E2F3: variants seen among roughly 807,000 people sequenced by gnomAD.
The protein encoded by E2F3 is E2F transcription factor 3, also known as transcription factor E2F3.
In E2F3, 11 loss-of-function variants were observed where a neutral mutation model predicts 44.4. The observed-to-expected ratio is 0.25, with a 90% CI of 0.16 to 0.41. E2F3 has a LOEUF of 0.41. Among genes scored for constraint, E2F3 ranks in the 10% least tolerant of loss-of-function variants. The pLI, the probability that E2F3 is intolerant of heterozygous loss-of-function variation, is 1.00. For missense variants in E2F3, 487 were observed against 583.6 expected (o/e 0.83, Z 1.70); for synonymous variants, 249 against 253.0 (o/e 0.98, Z 0.15).
intron 1 of E2F3, among the ~76,000 whole-genome samples, chr6:20,446,897 A>G (rs1760964027): frequency 6.6e-6 from 1 of 152,180 alleles, no homozygotes; most frequent in African/African-American, 2.4e-5. Context: ...GGATGGTTCA[A>G]CATTTAAAGA....
intron 1 of E2F3, among the ~76,000 whole-genome samples, chr6:20,409,363 A>T (rs907033803): frequency 2.6e-4 from 39 of 152,256 alleles, no homozygotes; most frequent in African/African-American, 9.2e-4. Flanking sequence ...CGTGATAGTA[A>T]TATTTTTAAA....
rs1402283403 is a variant in E2F3, at chr6:20,402,771, A to C, written c.393+146A>C. 10 of 1,242,880 alleles carry C rather than the reference A, an allele frequency of 8.0e-6. No individual in the cohort carries two copies. The highest frequency in any genetic ancestry group is 1.0e-5 in the Non-Finnish European group (10 of 993,714). 77.0% of individuals were successfully genotyped at this position (1,242,880 alleles called of 1,614,324 possible). ...GGGGCTGCCCCTCCAACGAGGGTTC[A>C]TTGTTAGACCTGAGTGCTCTTCCCG... On this transcript the variant is annotated intron_variant, in intron 1 of 6. Coordinates refer to ENST00000346618, the MANE Select transcript of E2F3 (RefSeq NM_001949.5). This position sits in a 1 kb window ranked among gnomAD's most constrained non-coding sequence, Gnocchi z 5.6.
intron 4 of E2F3, among the ~76,000 whole-genome samples, chr6:20,486,474 G>A (rs374162512): frequency 3.9e-5 from 6 of 152,198 alleles, no homozygotes; most frequent in South Asian, 2.1e-4. Flanking sequence ...GGGTTTCACC[G>A]TGTTAGCCAG....
chr6:20,438,200 C>T (rs951085726), intron 1 of E2F3, among the ~76,000 whole-genome samples: 8 of 152,082 alleles, frequency 5.3e-5, no homozygotes, highest in African/African-American at 1.7e-4. Flanking sequence ...CTTACACAGT[C>T]GTGAGGATTC....
intron 1 of E2F3, among the ~76,000 whole-genome samples, chr6:20,416,400 CAGAACAGACAA>C (rs1759846670): frequency 6.6e-6 from 1 of 152,168 alleles, no homozygotes; most frequent in Non-Finnish European, 1.5e-5. Context: ...ACAGCAGTGT[CAGAACAGACAA>C]AATTCCCTGC....
At chr6:20,484,818 T>C (rs945333215) in intron 4 of E2F3, among the ~76,000 whole-genome samples, 1 of 152,156 alleles carries the variant, frequency 6.6e-6, no homozygotes, top group African/African-American at 2.4e-5. Context: ...CCAGGCACGG[T>C]GGCTCATGCC....
Position 20,402,092 on chromosome 6 carries a change from GAA to G in E2F3, c.-138_-137del, listed in dbSNP as rs1207499112. ...CCTGTGCGGTGCGGAAAAATAAAAA[GAA>G]AAGAGAGAGAGGGGGCTCGGAAGCG... On this transcript the variant is annotated 5_prime_UTR_variant, in exon 1 of 7. Coordinates refer to ENST00000346618, the MANE Select transcript of E2F3 (RefSeq NM_001949.5). This position sits in a 1 kb window ranked among gnomAD's most constrained non-coding sequence, Gnocchi z 5.6. 1.5e-6 allele frequency: 2 copies of G among 1,374,226 alleles called. No homozygotes were observed. Among genetic ancestry groups the G allele is most frequent in the Non-Finnish European group, 9.4e-7 (1 of 1,059,298 alleles). The allele number at this position is 1,374,226 out of a possible 1,614,324, so 85.1% of individuals were successfully genotyped here. A position where few individuals can be genotyped will look rare whatever the true frequency, so the allele number is the denominator to read the frequency against.
intron 1 of E2F3, among the ~76,000 whole-genome samples, chr6:20,475,270 C>T (rs762930561): frequency 1.3e-5 from 2 of 152,214 alleles, no homozygotes; most frequent in Non-Finnish European, 2.9e-5. Context: ...AGACTAGTCC[C>T]GGTCTTTCGA....
At chr6:20,461,205 A>C (rs1761496263) in intron 1 of E2F3, among the ~76,000 whole-genome samples, 1 of 151,932 alleles carries the variant, frequency 6.6e-6, no homozygotes, top group South Asian at 2.1e-4. Context: ...TTAACAATAC[A>C]TTTGAAGGTC....
intron 1 of E2F3, among the ~76,000 whole-genome samples, chr6:20,446,300 C>T (rs571497256): frequency 5.8e-4 from 88 of 152,218 alleles, no homozygotes; most frequent in African/African-American, 2.0e-3. Flanking sequence ...CCAGGAAAGA[C>T]GAAATGATAT....
intron 1 of E2F3, among the ~76,000 whole-genome samples, chr6:20,459,015 G>A (rs907629682): frequency 2.6e-5 from 4 of 151,934 alleles, no homozygotes; most frequent in African/African-American, 9.7e-5. Context: ...TGTAATCCCA[G>A]CACTTTAGGA....
At chr6:20,424,210 G>GGTGTGT (rs57286350) in intron 1 of E2F3, among the ~76,000 whole-genome samples, 18,188 of 136,602 alleles carry the variant, frequency 0.13, 1,462 homozygotes, top group South Asian at 0.22. Context: ...TCAGTGGAAG[G>GGTGTGT]GTGTGTGTGT....
In E2F3 at chr6:20,479,826, A is replaced by C. The variant is rs906688013; in HGVS notation, c.394-20A>C. On this transcript the variant is annotated intron_variant, in intron 1 of 6. Coordinates refer to ENST00000346618, the MANE Select transcript of E2F3 (RefSeq NM_001949.5). ...TTGTCCATATGACCGGTGACGAGAG[A>C]TCGCACTTTCTTATTACAGGCAAAG... The C allele has an allele frequency of 6.3e-7, 1 of 1,598,084 alleles. No individual in the cohort carries two copies. The highest frequency in any genetic ancestry group is 1.1e-5 in the South Asian group (1 of 88,770).
rs549615225 is a variant in E2F3, at chr6:20,493,028, TCAAA to T, written c.*2601_*2604del. On this transcript the variant is annotated 3_prime_UTR_variant, in exon 7 of 7. Transcript: ENST00000346618. ...TGTATAAAGGGCAACACATGAGCTG[TCAAA>T]CAGTGTTAGGAGTGTGTTTATATGT... 1.4e-5 allele frequency: 3 copies of T among 215,786 alleles called. No homozygotes were observed. The allele number at this position is 215,786 out of a possible 1,614,324, so 13.4% of individuals were successfully genotyped here.
rs551176572 is a variant in E2F3 at position 20,473,414 on chromosome 6, C to T, written c.394-6432C>T. Among the ~76,000 whole-genome samples the T allele has an allele frequency of 5.3e-5, 8 of 152,184 alleles. No homozygotes were observed. In the South Asian group the frequency reaches 1.7e-3, roughly 32 times the overall value. On this transcript the variant is annotated intron_variant, in intron 1 of 6. Transcript: ENST00000346618. ...ATAAAATAAGAATTAATAATAGCCA[C>T]CTTATTAAGGGTGTTGTGAAAATAA...
intron 1 of E2F3, among the ~76,000 whole-genome samples, chr6:20,412,461 T>A (rs1371625720): frequency 6.6e-6 from 1 of 151,918 alleles, no homozygotes; most frequent in Non-Finnish European, 1.5e-5. Context: ...GAGACATAAG[T>A]CAAAGGCAGG....
At chr6:20,449,480 T>C (rs1197580160) in intron 1 of E2F3, among the ~76,000 whole-genome samples, 1 of 152,260 alleles carries the variant, frequency 6.6e-6, no homozygotes, top group Non-Finnish European at 1.5e-5. Flanking sequence ...TCTGCTATTA[T>C]GAAGTTGCAG....
chr6:20,420,662 A>C (rs981202476), intron 1 of E2F3, among the ~76,000 whole-genome samples: 1 of 152,250 alleles, frequency 6.6e-6, no homozygotes, highest in Non-Finnish European at 1.5e-5. Flanking sequence ...ACTTAAAAAT[A>C]CTATATTGCT....
At chr6:20,441,032 C>G (rs945494900) in intron 1 of E2F3, among the ~76,000 whole-genome samples, 1 of 152,204 alleles carries the variant, frequency 6.6e-6, no homozygotes. Context: ...ACACAGTTTA[C>G]TATTTTAACC....
Sources: allele counts gnomAD v4.1 joint callset (sites outside exome capture counted in the v4.1 genomes callset), GRCh38; gene constraint gnomAD v4.1.1; non-coding constraint Gnocchi (gnomAD v3.1); transcripts MANE v1.5; gene names NCBI Gene and HGNC (gene_info 2026-07-23, HGNC 2026-07-21).